RAD51AP2: variants seen among roughly 807,000 people sequenced by gnomAD.
RAD51AP2 encodes the protein RAD51 associated protein 2.
In RAD51AP2, 67 loss-of-function variants were observed where a neutral mutation model predicts 85.5. The ratio of observed to expected loss-of-function variants is 0.78; its 90% CI spans 0.64 to 0.96. RAD51AP2 has a LOEUF of 0.96. Ranked by LOEUF, RAD51AP2 falls within the 40% of genes least tolerant of loss-of-function variation. RAD51AP2 has a pLI of 0.00. For synonymous variants in RAD51AP2, 474 were observed against 446.5 expected (o/e 1.06, Z -0.78); for missense variants, 1,307 against 1,332.4 (o/e 0.98, Z 0.30).
In RAD51AP2 at chr2:17,518,002, A is replaced by C; in HGVS notation, c.414T>G (p.His138Gln). ...GGTGCACACTGAAAGCCTCTCTGTC[A>C]TGCAGGCCTGCCTCAGACCTTCCTG... The part of the protein sequence containing the change: ...RASGRSEAGL[H>Q]DREAFSVHRS... Residue 138 changes from histidine (H) to glutamine (Q), a missense_variant, in exon 1 of 3, where the codon CAT becomes CAG. Around this residue, in one of 3 missense-constraint regions of RAD51AP2, gnomAD observed 635 missense variants for 643.6 expected, o/e 0.99. Coordinates refer to ENST00000399080, the MANE Select transcript of RAD51AP2 (RefSeq NM_001099218.3). 6.2e-7 allele frequency: 1 copy of C among 1,614,196 alleles called. No individual in the cohort carries two copies. The highest frequency in any genetic ancestry group is 8.5e-7 in the Non-Finnish European group (1 of 1,180,036).
At chr2:17,529,935 A>G in the RAD51AP2 span, among the ~76,000 whole-genome samples, 1 of 152,210 alleles carries the variant, frequency 6.6e-6, no homozygotes, top group South Asian at 2.1e-4. Flanking sequence ...TTGTCTGGAC[A>G]TGCTCTTAGT....
the RAD51AP2 span, among the ~76,000 whole-genome samples, chr2:17,533,008 A>G: frequency 6.6e-6 from 1 of 152,312 alleles, no homozygotes; most frequent in South Asian, 2.1e-4. Context: ...GGAATTTGCA[A>G]ACAAATATGT....
chr2:17,514,092 T>A lies in RAD51AP2; in HGVS notation c.3248A>T (p.Asp1083Val), dbSNP rs778970747. Reference sequence around the variant, plus strand: ...TCTTTTAGGTAAAGGTGTTTCACAATCTGAAAATAAAGAGTGATATGTTAC... The same window carrying A: ...TCTTTTAGGTAAAGGTGTTTCACAAACTGAAAATAAAGAGTGATATGTTAC... Reference protein sequence around the residue: ...EELLYSTSEKDCETPLPKRPA... With the variant: ...EELLYSTSEKVCETPLPKRPA... The change falls in exon 2 of 3, where the codon GAT becomes GTT. Residue 1083 changes from aspartate to valine, a missense_variant and splice_region_variant. Physicochemically the swap from Asp to Val is radical, Grantham distance 152 (BLOSUM62 -3). Coordinates refer to ENST00000399080, the MANE Select transcript of RAD51AP2 (RefSeq NM_001099218.3). The A allele has an allele frequency of 5.8e-6, 9 of 1,548,512 alleles. No individual in the cohort carries two copies. Among genetic ancestry groups the A allele is most frequent in the Non-Finnish European group, 7.1e-6 (8 of 1,124,608 alleles).
rs759446691 is a variant in RAD51AP2, at chr2:17,510,886, C to A, written c.3398G>T (p.Gly1133Val). The change falls in exon 3 of 3, where the codon GGT becomes GTT. Residue 1133 changes from glycine to valine, a missense_variant. Coordinates refer to ENST00000399080, the MANE Select transcript of RAD51AP2 (RefSeq NM_001099218.3). ...TTTAATCCTTGCTTTTCTTGACAAA[C>A]CAATCCTGATTGGCCTACTGCATGT... The part of the protein sequence containing the change: ...LKTCSRPIRI[G>V]LSRKARIKQL... 6.2e-7 allele frequency: 1 copy of A among 1,609,980 alleles called. No homozygotes were observed.
Position 17,515,910 on chromosome 2 carries a change from C to T in RAD51AP2, c.2506G>A (p.Glu836Lys), listed in dbSNP as rs776148641. 1 of 1,603,516 alleles carries T rather than the reference C, an allele frequency of 6.2e-7. No individual in the cohort carries two copies. The highest frequency in any genetic ancestry group is 8.5e-7 in the Non-Finnish European group (1 of 1,177,252). Residue 836 changes from glutamate to lysine, a missense_variant, in exon 1 of 3, where the codon GAA becomes AAA. This residue lies in a region of RAD51AP2 where 668 missense variants were observed against 671.0 expected (regional missense o/e 1.00). Coordinates refer to ENST00000399080, the MANE Select transcript of RAD51AP2 (RefSeq NM_001099218.3). ...AAACTTTCAGCTGTGACTTTTACTTCCTCTTTCAAAATTAAGTCATATTTT... is the reference window on the plus strand; with the variant it reads ...AAACTTTCAGCTGTGACTTTTACTTTCTCTTTCAAAATTAAGTCATATTTT... Reference protein sequence around the residue: ...EKKYDLILKEEVKVTAESLTN... With the variant: ...EKKYDLILKEKVKVTAESLTN...
chr2:17,515,416 G>C lies in RAD51AP2; in HGVS notation c.3000C>G (p.Tyr1000Ter). 2 of 1,612,270 alleles carry C rather than the reference G, an allele frequency of 1.2e-6. No homozygotes were observed. Among genetic ancestry groups the C allele is most frequent in the Non-Finnish European group, 1.7e-6 (2 of 1,179,598 alleles). Residue 1000 changes from tyrosine to a stop codon, truncating the protein, a stop_gained, in exon 1 of 3, where the codon TAC becomes TAG. Coordinates refer to ENST00000399080, the MANE Select transcript of RAD51AP2 (RefSeq NM_001099218.3). LOFTEE classifies it high-confidence loss of function. ...CCTTCTCAGCATCATTTTCTCCAAA[G>C]TAATTTTCTTGCCCATTGTTTGTTT... is the stretch of plus-strand genomic sequence containing the variant. ...TVETNNGQEN[Y>*]FGENDAEKVK...
the RAD51AP2 span, among the ~76,000 whole-genome samples, chr2:17,535,330 T>TGGCAA: frequency 6.6e-6 from 1 of 152,196 alleles, no homozygotes; most frequent in Non-Finnish European, 1.5e-5. Flanking sequence ...TAAAAAGACA[T>TGGCAA]GGCAAGAGAT....
rs369631570 is a variant in RAD51AP2, at chr2:17,517,205, C to T, written c.1211G>A (p.Arg404Lys). 18 of 1,613,274 alleles carry T rather than the reference C, an allele frequency of 1.1e-5. No homozygotes were observed. The African/African-American group carries it at 2.3e-4, about 20-fold the overall frequency. Reference protein sequence around the residue: ...NWDCNVRHILRRNRGNCWIIN... With the variant: ...NWDCNVRHILKRNRGNCWIIN... The stretch of plus-strand genomic sequence containing the variant: ...AATCCAACAATTTCCTCTATTTCTT[C>T]TCAAAATATGTCTAACGTTACAGTC... The change falls in exon 1 of 3, where the codon AGA becomes AAA. Residue 404 changes from arginine to lysine, a missense_variant. Physicochemically the swap from Arg to Lys is conservative, Grantham distance 26 (BLOSUM62 2). Around this residue, in one of 3 missense-constraint regions of RAD51AP2, gnomAD observed 635 missense variants for 643.6 expected, o/e 0.99. Coordinates refer to ENST00000399080, the MANE Select transcript of RAD51AP2 (RefSeq NM_001099218.3).
intron 1 of RAD51AP2, 67 bp downstream of exon 1, chr2:17,515,102 G>A (rs1195266724): frequency 8.1e-7 from 1 of 1,237,250 alleles, no homozygotes; most frequent in East Asian, 2.4e-5. Flanking sequence ...TTATACATTT[G>A]GCCTACACAG....
chr2:17,519,436 T>C (rs1662807393), upstream of RAD51AP2, among the ~76,000 whole-genome samples: 1 of 152,104 alleles, frequency 6.6e-6, no homozygotes, highest in South Asian at 2.1e-4. Flanking sequence ...TCGATTCCCT[T>C]GGTGGTTGTT....
the RAD51AP2 span, among the ~76,000 whole-genome samples, chr2:17,526,194 CAG>C: frequency 6.6e-6 from 1 of 151,756 alleles, no homozygotes; most frequent in African/African-American, 2.4e-5. Flanking sequence ...CATAAAAAGA[CAG>C]AGGATTTTCT....
Position 17,516,210 on chromosome 2 carries a change from T to C in RAD51AP2, c.2206A>G (p.Asn736Asp). Residue 736 changes from asparagine (N) to aspartate (D), a missense_variant, in exon 1 of 3, where the codon AAT becomes GAT. Transcript: ENST00000399080. ...YNSSTVKAHG[N>D]SCPQFIQNNR... The stretch of plus-strand genomic sequence containing the variant: ...TTCTGTATAAATTGAGGACAAGAAT[T>C]ACCATGTGCTTTAACAGTACTAGAA... 6.2e-7 allele frequency: 1 copy of C among 1,613,324 alleles called. No homozygotes were observed.
chr2:17,514,112 T>A lies in RAD51AP2; in HGVS notation c.3248-20A>T. 1.5e-6 allele frequency: 2 copies of A among 1,368,318 alleles called. No homozygotes were observed. Among genetic ancestry groups the A allele is most frequent in the Non-Finnish European group, 2.1e-6 (2 of 970,000 alleles). 84.8% of individuals were successfully genotyped at this position (1,368,318 alleles called of 1,614,324 possible). On this transcript the variant is annotated intron_variant, in intron 1 of 2. Coordinates refer to ENST00000399080, the MANE Select transcript of RAD51AP2 (RefSeq NM_001099218.3). ...CACAATCTGAAAATAAAGAGTGATATGTTACAGCAAAAAGTAACTTTTATA... is the reference window on the plus strand; with the variant it reads ...CACAATCTGAAAATAAAGAGTGATAAGTTACAGCAAAAAGTAACTTTTATA...
At chr2:17,514,407 C>T (rs1184369287) in intron 1 of RAD51AP2, among the ~76,000 whole-genome samples, 3 of 152,150 alleles carry the variant, frequency 2.0e-5, no homozygotes, top group African/African-American at 7.2e-5. Context: ...AGAAAACACA[C>T]AGACTCCAAC....
rs774876235 is a variant in RAD51AP2, at chr2:17,515,601, T to G, written c.2815A>C (p.Asn939His). Reference sequence around the variant, plus strand: ...GCTAAGTCCTGAAAACATTCATCATTCCCTTCACTCAGACCAGTTTCAAAT... The same window carrying G: ...GCTAAGTCCTGAAAACATTCATCATGCCCTTCACTCAGACCAGTTTCAAAT... ...HQFETGLSEG[N>H]DECFQDLAAK... The change falls in exon 1 of 3, where the codon AAT (asparagine) becomes CAT (histidine). Residue 939 changes from asparagine (N) to histidine (H), a missense_variant. Asn to His is a moderately conservative substitution (Grantham distance 68, BLOSUM62 1). Around this residue, in one of 3 missense-constraint regions of RAD51AP2, gnomAD observed 668 missense variants for 671.0 expected, o/e 1.00. Transcript: ENST00000399080. 6.2e-7 allele frequency: 1 copy of G among 1,610,206 alleles called. No homozygotes were observed. The highest frequency in any genetic ancestry group is 1.1e-5 in the South Asian group (1 of 89,966).
chr2:17,516,288 T>C lies in RAD51AP2; in HGVS notation c.2128A>G (p.Asn710Asp). 1 of 1,609,832 alleles carries C rather than the reference T, an allele frequency of 6.2e-7. No individual in the cohort carries two copies. Among genetic ancestry groups the C allele is most frequent in the Non-Finnish European group, 8.5e-7 (1 of 1,178,850 alleles). Residue 710 changes from asparagine (N) to aspartate (D), a missense_variant, in exon 1 of 3, where the codon AAT becomes GAT. By Grantham distance (23) the Asn-to-Asp change is conservative. Coordinates refer to ENST00000399080, the MANE Select transcript of RAD51AP2 (RefSeq NM_001099218.3). ...ISLIREITCQNMSCPQQVVNV... is the reference protein window; with the variant it reads ...ISLIREITCQDMSCPQQVVNV... Reference sequence around the variant, plus strand: ...ACAACTTGTTGAGGACAACTCATATTCTGACAAGTAATTTCTCTTATTAAA... The same window carrying C: ...ACAACTTGTTGAGGACAACTCATATCCTGACAAGTAATTTCTCTTATTAAA...
chr2:17,526,160 T>A, the RAD51AP2 span, among the ~76,000 whole-genome samples: 2 of 151,996 alleles, frequency 1.3e-5, no homozygotes, highest in Non-Finnish European at 2.9e-5. Flanking sequence ...AATCCAGGTG[T>A]TGTATTTTTT....
rs748277482 is a variant in RAD51AP2, at chr2:17,515,566, A to C, written c.2850T>G (p.Tyr950Ter). The C allele has an allele frequency of 6.2e-7, 1 of 1,608,552 alleles. No individual in the cohort carries two copies. The highest frequency in any genetic ancestry group is 1.7e-5 in the Admixed American group (1 of 58,846). The change falls in exon 1 of 3, where the codon TAT becomes TAG. Residue 950 changes from tyrosine to a stop codon, truncating the protein, a stop_gained. Transcript: ENST00000399080. LOFTEE classifies it high-confidence loss of function. ...DECFQDLAAK[Y>*]LSTEALTIVK... ...CTATTGTCAGAGCTTCTGTTGATAA[A>C]TATTTAGCAGCTAAGTCCTGAAAAC...
Position 17,516,226 on chromosome 2 carries a change from A to G in RAD51AP2, c.2190T>C (p.Thr730=). 1 of 1,613,160 alleles carries G rather than the reference A, an allele frequency of 6.2e-7. No homozygotes were observed. Among genetic ancestry groups the G allele is most frequent in the Non-Finnish European group, 8.5e-7 (1 of 1,179,670 alleles). The change falls in exon 1 of 3, where the codon ACT becomes ACC. Residue 730 remains threonine, a synonymous_variant. Transcript: ENST00000399080. ...VENWAHYNSS[T]VKAHGNSCPQ... ...GACAAGAATTACCATGTGCTTTAACAGTACTAGAATTATAGTGAGCCCAAT... is the reference window on the plus strand; with the variant it reads ...GACAAGAATTACCATGTGCTTTAACGGTACTAGAATTATAGTGAGCCCAAT...
Sources: allele counts gnomAD v4.1 joint callset (sites outside exome capture counted in the v4.1 genomes callset), GRCh38; gene constraint gnomAD v4.1.1; regional missense constraint gnomAD v4.1.1; transcripts MANE v1.5; gene names NCBI Gene and HGNC (gene_info 2026-07-23, HGNC 2026-07-21).